Variants in FRMD4A observed in about 807,000 individuals in gnomAD.
FRMD4A encodes the protein FERM domain containing 4A.
A neutral mutation model predicts 129.1 loss-of-function variants in FRMD4A; 29 were observed. The ratio of observed to expected loss-of-function variants is 0.22; its 90% CI spans 0.17 to 0.31. The LOEUF is 0.31. FRMD4A is among the 10% of genes least tolerant of loss of function. The pLI is 1.00. For synonymous variants in FRMD4A, 634 were observed against 571.6 expected, an observed-to-expected ratio of 1.11 and a Z score of -1.56; for missense variants, 1,272 against 1,375.8, an observed-to-expected ratio of 0.92 and a Z score of 1.19.
chr10:14,096,507 C>A (rs985912037), intron 2 of FRMD4A, among the ~76,000 whole-genome samples: 1 of 152,196 alleles, frequency 6.6e-6, no homozygotes, highest in African/African-American at 2.4e-5. Context: ...GAGTTCCTAA[C>A]AGAAATCTAG....
chr10:13,736,106 C>T (rs548886125), intron 12 of FRMD4A, among the ~76,000 whole-genome samples: 87 of 151,992 alleles, frequency 5.7e-4, no homozygotes, highest in African/African-American at 1.8e-3. Flanking sequence ...GAGCCAAGAG[C>T]GTGCCACTGC....
chr10:14,160,019 C>A (rs1460305667), intron 2 of FRMD4A, among the ~76,000 whole-genome samples: 1 of 152,172 alleles, frequency 6.6e-6, no homozygotes, highest in African/African-American at 2.4e-5. Flanking sequence ...CACTGCACTC[C>A]AGCCTGGGCA....
chr10:13,875,813 G>A (rs558327884), intron 2 of FRMD4A, among the ~76,000 whole-genome samples: 293 of 152,270 alleles, frequency 1.9e-3, no homozygotes, highest in Middle Eastern at 3.4e-3. Flanking sequence ...GGCCATACCA[G>A]ATACTTGTGA....
intron 2 of FRMD4A, among the ~76,000 whole-genome samples, chr10:13,902,488 A>AGAGAGAGAGAGAGAGAGAGAGAGAGG (rs1371838262): frequency 6.6e-6 from 1 of 151,554 alleles, no homozygotes; most frequent in Non-Finnish European, 1.5e-5. Context: ...AGAGAGAGAG[A>AGAGAGAGAGAGAGAGAGAGAGAGAGG]GAGTGACAGA....
intron 6 of FRMD4A, among the ~76,000 whole-genome samples, chr10:13,767,710 G>A (rs940969720): frequency 3.3e-5 from 5 of 152,204 alleles, no homozygotes; most frequent in Non-Finnish European, 7.3e-5. Flanking sequence ...CTTCCCGGAG[G>A]CTTGAGGGTG....
At chr10:14,185,696 C>T (rs1459246881) in intron 2 of FRMD4A, among the ~76,000 whole-genome samples, 2 of 152,108 alleles carry the variant, frequency 1.3e-5, no homozygotes, top group Non-Finnish European at 2.9e-5. Context: ...AGCAGCAGCT[C>T]AACAGTGGCA....
chr10:14,153,913 A>G (rs1205371851), intron 2 of FRMD4A, among the ~76,000 whole-genome samples: 4 of 151,622 alleles, frequency 2.6e-5, no homozygotes, highest in African/African-American at 7.3e-5. Context: ...TGTAATTCTC[A>G]CTCCTGGCAG....
At chr10:13,690,995 T>C (rs1352574484) in intron 15 of FRMD4A, among the ~76,000 whole-genome samples, 1 of 152,146 alleles carries the variant, frequency 6.6e-6, no homozygotes, top group Non-Finnish European at 1.5e-5. Context: ...CATTTGTGTG[T>C]GTGTGTGAGA....
intron 8 of FRMD4A, among the ~76,000 whole-genome samples, chr10:13,761,204 C>T (rs748424747): frequency 3.3e-5 from 5 of 152,172 alleles, no homozygotes; most frequent in Admixed American, 1.3e-4. Context: ...AACATTTTCA[C>T]GAATGAAATT....
At chr10:13,803,725 C>T (rs563050575) in intron 4 of FRMD4A, among the ~76,000 whole-genome samples, 19 of 152,294 alleles carry the variant, frequency 1.2e-4, no homozygotes, top group Admixed American at 1.1e-3. Flanking sequence ...AGTCAAGGGC[C>T]AGTGCTTTCT....
chr10:13,701,378 T>C lies in FRMD4A; in HGVS notation c.937A>G (p.Ser313Gly). The stretch of plus-strand genomic sequence containing the variant: ...CTGTCCAGATAGAACTGGTGTTGGC[T>C]TATGGCCATAGCCCAGATGGACTTG... ...LIKSIWAMAI[S>G]QHQFYLDRKQ... The change falls in exon 14 of 25, where the codon AGC becomes GGC. Residue 313 changes from serine (S) to glycine (G), a missense_variant. Ser to Gly is a moderately conservative substitution (Grantham distance 56). Transcript: ENST00000357447. 6.2e-7 allele frequency: 1 copy of C among 1,613,954 alleles called. No homozygotes were observed. Among genetic ancestry groups the C allele is most frequent in the East Asian group, 2.2e-5 (1 of 44,886 alleles).
rs117816474 is a variant in FRMD4A, at chr10:14,330,382, C to T, written c.-81-199G>A. On this transcript the variant is annotated intron_variant, in intron 1 of 24. Coordinates refer to ENST00000357447, the MANE Select transcript of FRMD4A (RefSeq NM_018027.5). Reference sequence around the variant, plus strand: ...GTGAGCCCTCCCTAGCTTCGCAAAGCGGCACAGACAGGGAGACCGCATCAA... The same window carrying T: ...GTGAGCCCTCCCTAGCTTCGCAAAGTGGCACAGACAGGGAGACCGCATCAA... Among the ~76,000 whole-genome samples the T allele has an allele frequency of 8.2e-3, 1,242 of 152,100 alleles. 9 individuals carry two copies. The highest frequency in any genetic ancestry group is 0.014 in the Middle Eastern group (4 of 292).
chr10:14,318,645 T>A (rs1346230398), intron 2 of FRMD4A, among the ~76,000 whole-genome samples: 1 of 150,078 alleles, frequency 6.7e-6, no homozygotes. Flanking sequence ...CCTTCAGATA[T>A]CAACCTATCA....
At chr10:13,796,823 C>T (rs1036775241) in intron 4 of FRMD4A, among the ~76,000 whole-genome samples, 4 of 152,090 alleles carry the variant, frequency 2.6e-5, no homozygotes, top group African/African-American at 9.7e-5. Flanking sequence ...TGGGTTTAAG[C>T]GATTCCCTGC....
chr10:14,312,042 G>T (rs1170638412), intron 2 of FRMD4A, among the ~76,000 whole-genome samples: 1 of 152,122 alleles, frequency 6.6e-6, no homozygotes, highest in Non-Finnish European at 1.5e-5. Flanking sequence ...AAATGTGCAA[G>T]GTTTCTTTGT....
intron 15 of FRMD4A, among the ~76,000 whole-genome samples, chr10:13,679,007 C>T (rs1225897445): frequency 6.6e-6 from 1 of 152,114 alleles, no homozygotes; most frequent in African/African-American, 2.4e-5. Context: ...ACACATTCCT[C>T]CTACCTCACT....
intron 2 of FRMD4A, among the ~76,000 whole-genome samples, chr10:14,212,444 G>C (rs112417291): frequency 9.2e-5 from 14 of 152,112 alleles, no homozygotes; most frequent in African/African-American, 3.4e-4. Context: ...AGCATCCAGG[G>C]ATCTCATTTC....
intron 2 of FRMD4A, among the ~76,000 whole-genome samples, chr10:14,159,782 A>G (rs1840787491): frequency 6.6e-6 from 1 of 152,124 alleles, no homozygotes; most frequent in Admixed American, 6.5e-5. Context: ...GGGCACAGTG[A>G]CTCCCTCCTG....
intron 2 of FRMD4A, among the ~76,000 whole-genome samples, chr10:14,155,534 G>T (rs1840554060): frequency 6.6e-6 from 1 of 152,084 alleles, no homozygotes; most frequent in Admixed American, 6.5e-5. Flanking sequence ...TAAAGGATGT[G>T]GGCTTGTTTT....
Sources: allele counts gnomAD v4.1 joint callset (sites outside exome capture counted in the v4.1 genomes callset), GRCh38; gene constraint gnomAD v4.1.1; transcripts MANE v1.5; gene names NCBI Gene and HGNC (gene_info 2026-07-23, HGNC 2026-07-21).